Variants in EYA2 observed in about 807,000 individuals in gnomAD.
The protein encoded by EYA2 is EYA transcriptional coactivator and phosphatase 2.
In EYA2, 31 loss-of-function variants were observed where a neutral mutation model predicts 69.2. That is an observed-to-expected ratio of 0.45 (90% CI 0.34 to 0.60). The LOEUF is 0.60. EYA2 is among the 20% of genes least tolerant of loss of function. EYA2 has a pLI of 0.02. For synonymous variants in EYA2, 257 were observed against 279.4 expected (o/e 0.92, Z 0.80); for missense variants, 622 against 701.2 (o/e 0.89, Z 1.28).
intron 4 of EYA2, among the ~76,000 whole-genome samples, chr20:47,007,007 G>A (rs1413171809): frequency 3.3e-5 from 5 of 152,130 alleles, no homozygotes; most frequent in Non-Finnish European, 5.9e-5. Context: ...GCAGCTCACC[G>A]CAAGCTCAAC....
intron 9 of EYA2, among the ~76,000 whole-genome samples, chr20:47,100,377 G>C (rs1183880603): frequency 6.6e-6 from 1 of 152,016 alleles, no homozygotes; most frequent in Non-Finnish European, 1.5e-5. Context: ...TGCCCTCTTA[G>C]GGGGGGTGGA....
intron 5 of EYA2, among the ~76,000 whole-genome samples, chr20:47,058,347 G>A (rs548291963): frequency 6.6e-6 from 1 of 152,354 alleles, no homozygotes; most frequent in Admixed American, 6.5e-5. Flanking sequence ...GGGGCACCCA[G>A]CCATTCAGGA....
chr20:47,030,066 T>G (rs922939735), intron 5 of EYA2, among the ~76,000 whole-genome samples: 1 of 152,248 alleles, frequency 6.6e-6, no homozygotes, highest in Non-Finnish European at 1.5e-5. Flanking sequence ...TGGGCAAGGC[T>G]GTCTTCCAAG....
intron 1 of EYA2, among the ~76,000 whole-genome samples, chr20:46,947,893 G>T (rs1040836741): frequency 2.0e-5 from 3 of 152,070 alleles, no homozygotes; most frequent in African/African-American, 7.2e-5. Flanking sequence ...AAGGTGGGAG[G>T]ATCTCTTAAA....
chr20:46,971,600 A>C (rs760183066), intron 1 of EYA2, among the ~76,000 whole-genome samples: 7 of 152,226 alleles, frequency 4.6e-5, no homozygotes, highest in Admixed American at 6.5e-5. Flanking sequence ...TAGAAGAGAG[A>C]AGAGAAAGAA....
intron 5 of EYA2, among the ~76,000 whole-genome samples, chr20:47,060,450 C>T (rs561941656): frequency 6.6e-6 from 1 of 152,248 alleles, no homozygotes; most frequent in Non-Finnish European, 1.5e-5. Flanking sequence ...TCCCAGAAGC[C>T]CCCTTGGCCA....
At chr20:47,071,060 A>G (rs996978133) in intron 5 of EYA2, among the ~76,000 whole-genome samples, 8 of 151,846 alleles carry the variant, frequency 5.3e-5, no homozygotes, top group African/African-American at 1.7e-4. Flanking sequence ...CCAGAGCTGG[A>G]GTGCAGTGGC....
chr20:47,168,776 C>G (rs569204255), intron 10 of EYA2, among the ~76,000 whole-genome samples: 1 of 152,282 alleles, frequency 6.6e-6, no homozygotes, highest in African/African-American at 2.4e-5. Context: ...GCCAGGGTGA[C>G]CAAATGTCTG....
At chr20:47,084,377 C>CA in intron 7 of EYA2, among the ~76,000 whole-genome samples, 1 of 152,226 alleles carries the variant, frequency 6.6e-6, no homozygotes, top group African/African-American at 2.4e-5. Flanking sequence ...CCTGTCTCTA[C>CA]AAAAAATACA....
At chr20:47,185,443 G>A (rs1267432920) in intron 15 of EYA2, among the ~76,000 whole-genome samples, 2 of 151,824 alleles carry the variant, frequency 1.3e-5, no homozygotes, top group East Asian at 1.9e-4. Context: ...TGGGATTACA[G>A]GCATGAGCCA....
intron 5 of EYA2, among the ~76,000 whole-genome samples, chr20:47,019,321 C>G (rs1983607030): frequency 6.6e-6 from 1 of 152,206 alleles, no homozygotes; most frequent in African/African-American, 2.4e-5. Context: ...GGGCTTCGTC[C>G]CAATTAACTG....
rs372648428 is a variant in EYA2 at position 46,967,468 on chromosome 20, A to C, written c.-10-22533A>C. ...TTCAGAGTGCAGTGGAAATTAATCC[A>C]GTCAGGGAGGATGGTGATAGCAGTA... On this transcript the variant is annotated intron_variant, in intron 1 of 15. Transcript: ENST00000327619. 2.3e-4 allele frequency among the ~76,000 whole-genome samples: 35 copies of C among 152,366 alleles called. No homozygotes were observed. In the East Asian group the frequency reaches 6.4e-3, roughly 28 times the overall value.
intron 4 of EYA2, among the ~76,000 whole-genome samples, chr20:47,006,163 A>G (rs1411701928): frequency 6.6e-6 from 1 of 152,170 alleles, no homozygotes; most frequent in Non-Finnish European, 1.5e-5. Flanking sequence ...CCTCCTGTCT[A>G]GGACTTCCTG....
intron 5 of EYA2, among the ~76,000 whole-genome samples, chr20:47,056,630 G>A (rs570161311): frequency 1.5e-4 from 23 of 152,302 alleles, no homozygotes; most frequent in African/African-American, 5.3e-4. Flanking sequence ...GGCTTAGAAA[G>A]TTCAACCATG....
At chr20:47,004,837 G>A (rs768509608) in intron 3 of EYA2, 105 bp from the exon 4 acceptor site, 3 of 1,460,756 alleles carry the variant, frequency 2.1e-6, no homozygotes, top group Non-Finnish European at 2.9e-6. Context: ...TCTCTGCTCT[G>A]GAAAGAGTAG....
At chr20:47,175,873 A>G (rs1027765886) in intron 12 of EYA2, among the ~76,000 whole-genome samples, 1 of 152,200 alleles carries the variant, frequency 6.6e-6, no homozygotes, top group Non-Finnish European at 1.5e-5. Context: ...GTGTTCTCCT[A>G]GAGTTGATAG....
At chr20:47,080,464 A>AGGG (rs1253791109) in intron 7 of EYA2, among the ~76,000 whole-genome samples, 1 of 31,162 alleles carries the variant, frequency 3.2e-5, no homozygotes, top group Admixed American at 4.7e-4. Flanking sequence ...GAAATGAGGG[A>AGGG]GGGAGGGAGG....
intron 1 of EYA2, among the ~76,000 whole-genome samples, chr20:46,969,954 A>G (rs1431108387): frequency 2.6e-5 from 4 of 152,228 alleles, no homozygotes; most frequent in Admixed American, 2.0e-4. Context: ...ACATAATCCT[A>G]TAATTAAAAG....
At chr20:47,120,885 G>A (rs756777560) in intron 9 of EYA2, among the ~76,000 whole-genome samples, 1 of 152,222 alleles carries the variant, frequency 6.6e-6, no homozygotes, top group African/African-American at 2.4e-5. Flanking sequence ...TCATCATCTG[G>A]TTTTGGTGTC....
Sources: allele counts gnomAD v4.1 joint callset (sites outside exome capture counted in the v4.1 genomes callset), GRCh38; gene constraint gnomAD v4.1.1; transcripts MANE v1.5; gene names NCBI Gene and HGNC (gene_info 2026-07-23, HGNC 2026-07-21).